The following RAPGEF2 variants were observed in gnomAD, a reference collection of about 807,000 sequenced individuals.
The protein encoded by RAPGEF2 is PDZ domain containing guanine nucleotide exchange factor (GEF) 1.
RAPGEF2 carries 54 observed loss-of-function variants against 186.7 expected under a neutral mutation model. That is an observed-to-expected ratio of 0.29 (90% confidence interval 0.23 to 0.36). The LOEUF (loss-of-function observed/expected upper bound fraction) is 0.36, where lower values mean the gene tolerates loss of function less well. RAPGEF2 is among the 10% of genes least tolerant of loss of function. The probability of loss-of-function intolerance (pLI) is 1.00; values close to 1 mark genes in which losing one functional copy is unlikely to be tolerated. For missense variants in RAPGEF2, 1,532 were observed against 2,045.0 expected, an observed-to-expected ratio of 0.75 and a Z score of 4.84; for synonymous variants, 712 against 705.9, an observed-to-expected ratio of 1.01 and a Z score of -0.14.
At chr4:159,233,411 T>C (rs1212571929) in intron 4 of RAPGEF2, among the ~76,000 whole-genome samples, 1 of 152,234 alleles carries the variant, frequency 6.6e-6, no homozygotes, top group African/African-American at 2.4e-5. Context: ...GAAGACTCTG[T>C]TCTTCTCTCA....
At chr4:159,300,313 A>C (rs1762501065) in intron 7 of RAPGEF2, among the ~76,000 whole-genome samples, 1 of 151,914 alleles carries the variant, frequency 6.6e-6, no homozygotes, top group Non-Finnish European at 1.5e-5. Context: ...GTTTGTGGTT[A>C]AACTATGATT....
chr4:159,170,155 AT>A (rs1745756022), intron 1 of RAPGEF2, among the ~76,000 whole-genome samples: 1 of 150,208 alleles, frequency 6.7e-6, no homozygotes, highest in African/African-American at 2.5e-5. Context: ...TTCTTGGATG[AT>A]TAGTGATCTT....
intron 4 of RAPGEF2, among the ~76,000 whole-genome samples, chr4:159,229,134 GA>G (rs993278781): frequency 1.1e-3 from 162 of 152,234 alleles, no homozygotes; most frequent in African/African-American, 3.8e-3. Context: ...ACAGGGGTGT[GA>G]AAAAATTGAT....
At chr4:159,283,333 A>T (rs1029217624) in intron 7 of RAPGEF2, among the ~76,000 whole-genome samples, 3 of 152,164 alleles carry the variant, frequency 2.0e-5, no homozygotes, top group Non-Finnish European at 4.4e-5. Context: ...CTTTTCCAAA[A>T]TTTAAGTTAT....
chr4:159,155,551 A>G (rs1391640723), intron 1 of RAPGEF2, among the ~76,000 whole-genome samples: 1 of 152,172 alleles, frequency 6.6e-6, no homozygotes, highest in Non-Finnish European at 1.5e-5. Flanking sequence ...CTCTAGTGGG[A>G]CCAGTACTGA....
At chr4:159,300,028 A>G (rs1405746120) in intron 7 of RAPGEF2, among the ~76,000 whole-genome samples, 8 of 151,946 alleles carry the variant, frequency 5.3e-5, no homozygotes, top group Non-Finnish European at 1.2e-4. Flanking sequence ...AGTCCACACA[A>G]CACAGGCTTT....
At position 159,287,532 on chromosome 4, in the gene RAPGEF2, G is replaced by A. The variant is rs28728301; in HGVS notation, c.544-16810G>A. On this transcript the variant is annotated intron_variant, in intron 7 of 29. Coordinates refer to ENST00000691494, the MANE Select transcript of RAPGEF2 (RefSeq NM_001394067.2). The stretch of plus-strand genomic sequence containing the variant: ...TACTTGGATGTCTCCTTGAGTGATA[G>A]GACTTGACTATAAAGCATTATGAAA... Among the ~76,000 whole-genome samples the A allele has an allele frequency of 8.1e-3, 1,238 of 152,158 alleles. 13 individuals carry two copies. The highest frequency in any genetic ancestry group is 0.028 in the African/African-American group (1,168 of 41,532).
At chr4:159,242,730 T>C (rs1754160255) in intron 6 of RAPGEF2, among the ~76,000 whole-genome samples, 1 of 151,836 alleles carries the variant, frequency 6.6e-6, no homozygotes, top group African/African-American at 2.4e-5. Context: ...AAAAAGGTAA[T>C]GTTTTTAGGG....
chr4:159,159,208 G>T (rs1354302551), intron 1 of RAPGEF2, among the ~76,000 whole-genome samples: 1 of 152,110 alleles, frequency 6.6e-6, no homozygotes, highest in Non-Finnish European at 1.5e-5. Flanking sequence ...CCCTTTCCTG[G>T]ATCACGCAGC....
chr4:159,174,269 G>T (rs572762163), intron 1 of RAPGEF2, among the ~76,000 whole-genome samples: 86 of 152,290 alleles, frequency 5.6e-4, no homozygotes, highest in South Asian at 3.1e-3. Context: ...CATAAAAACT[G>T]CCTGTGACTT....
intron 7 of RAPGEF2, among the ~76,000 whole-genome samples, chr4:159,272,508 A>G (rs1758250992): frequency 6.6e-6 from 1 of 152,202 alleles, no homozygotes; most frequent in Non-Finnish European, 1.5e-5. Context: ...AGGATCACTT[A>G]ATATGCAGTG....
chr4:159,296,851 T>C (rs948115363), intron 7 of RAPGEF2, among the ~76,000 whole-genome samples: 1 of 152,250 alleles, frequency 6.6e-6, no homozygotes, highest in African/African-American at 2.4e-5. Flanking sequence ...CATGTAGGTT[T>C]CCTTTCTACT....
At chr4:159,319,968 T>C (rs1457277051) in intron 9 of RAPGEF2, among the ~76,000 whole-genome samples, 3 of 152,248 alleles carry the variant, frequency 2.0e-5, no homozygotes, top group Non-Finnish European at 4.4e-5. Context: ...ATTATTTGAC[T>C]TCTATTATTG....
intron 1 of RAPGEF2, among the ~76,000 whole-genome samples, chr4:159,172,917 A>G (rs1746063057): frequency 6.6e-6 from 1 of 151,974 alleles, no homozygotes; most frequent in South Asian, 2.1e-4. Flanking sequence ...TAAATAGTTT[A>G]TCTGATTGGA....
intron 7 of RAPGEF2, among the ~76,000 whole-genome samples, chr4:159,246,690 C>T (rs1225735308): frequency 6.6e-6 from 1 of 152,112 alleles, no homozygotes; most frequent in East Asian, 1.9e-4. Flanking sequence ...GACATTTAGG[C>T]TTTCTGACTT....
chr4:159,322,369 C>T lies in RAPGEF2; in HGVS notation c.876C>T (p.His292=), dbSNP rs1490732399. ...CAGAACAACTCTTGGAATTTATGCA[C>T]CAGTTGCCTGCTTTTGCCAATATGA... is the stretch of plus-strand genomic sequence containing the variant. ...DDIEQLLEFM[H]QLPAFANMTM... The change falls in exon 10 of 30, where the codon CAC becomes CAT. Residue 292 remains histidine (H), a synonymous_variant. Coordinates refer to ENST00000691494, the MANE Select transcript of RAPGEF2 (RefSeq NM_001394067.2). 6 of 1,613,624 alleles carry T rather than the reference C, an allele frequency of 3.7e-6. No individual in the cohort carries two copies. The African/African-American group carries it at 6.7e-5, about 18-fold the overall frequency.
chr4:159,280,963 G>A (rs113666760), intron 7 of RAPGEF2, among the ~76,000 whole-genome samples: 6 of 149,806 alleles, frequency 4.0e-5, no homozygotes, highest in African/African-American at 7.4e-5. Flanking sequence ...TGTACAATGC[G>A]TAGACAAGTA....
intron 26 of RAPGEF2, among the ~76,000 whole-genome samples, chr4:159,350,558 A>G (rs1052486847): frequency 7.2e-5 from 11 of 152,208 alleles, no homozygotes; most frequent in African/African-American, 2.7e-4. Context: ...AGATAAATAT[A>G]CAAAGAATTT....
At position 159,316,490 on chromosome 4, in the gene RAPGEF2, C is replaced by G. The variant is rs151048283; in HGVS notation, c.853+1722C>G. 2.5e-3 allele frequency among the ~76,000 whole-genome samples: 386 copies of G among 152,150 alleles called. 1 individual carries two copies. The highest frequency in any genetic ancestry group is 8.7e-3 in the African/African-American group (359 of 41,494). Reference sequence around the variant, plus strand: ...CCCACCCTCTAACCTTCCGAAAGGCCCCAGTGTGTGTTGTTCCCCTCTGTG... The same window carrying G: ...CCCACCCTCTAACCTTCCGAAAGGCGCCAGTGTGTGTTGTTCCCCTCTGTG... On this transcript the variant is annotated intron_variant, in intron 9 of 29. Transcript: ENST00000691494.
Sources: gnomAD v4.1 joint callset for allele counts (sites outside exome capture counted in the v4.1 genomes callset) on GRCh38, gnomAD v4.1.1 for gene constraint, MANE v1.5 for transcripts, NCBI Gene and HGNC (gene_info 2026-07-23, HGNC 2026-07-21) for gene names.